Variants in ATG7 observed in about 807,000 individuals in gnomAD.
ATG7 encodes ubiquitin-like modifier-activating enzyme ATG7.
In ATG7, 70 loss-of-function variants were observed where a neutral mutation model predicts 82.4. The ratio of observed to expected loss-of-function variants is 0.85; its 90% CI spans 0.70 to 1.04. The LOEUF (loss-of-function observed/expected upper bound fraction) is 1.04. ATG7 is among the 50% of genes least tolerant of loss of function. The pLI, the probability that ATG7 is intolerant of heterozygous loss-of-function variation, is 0.00. For missense variants in ATG7, 792 were observed against 864.3 expected, an observed-to-expected ratio of 0.92 and a Z score of 1.05; for synonymous variants, 287 against 313.0, an observed-to-expected ratio of 0.92 and a Z score of 0.88.
At chr3:11,481,234 TG>T (rs2088931043) in intron 20 of ATG7, among the ~76,000 whole-genome samples, 1 of 152,318 alleles carries the variant, frequency 6.6e-6, no homozygotes, top group African/African-American at 2.4e-5. Context: ...AGTTCTGAGA[TG>T]GATGGTGGTG....
chr3:11,537,215 C>CAG (rs1442195101), intron 20 of ATG7, among the ~76,000 whole-genome samples: 2 of 152,186 alleles, frequency 1.3e-5, no homozygotes, highest in African/African-American at 2.4e-5. Context: ...TCCCATCTTT[C>CAG]AGAGCTCAGC....
chr3:11,299,076 A>G, intron 4 of ATG7: 1 of 606,518 alleles, frequency 1.6e-6, no homozygotes, highest in East Asian at 2.8e-5. Flanking sequence ...CAAATTATTA[A>G]TCCAAATAAT....
intron 13 of ATG7, among the ~76,000 whole-genome samples, chr3:11,343,271 C>T (rs982893661): frequency 6.6e-6 from 1 of 152,188 alleles, no homozygotes; most frequent in African/African-American, 2.4e-5. Context: ...AAATGTTACA[C>T]ATATGAGACA....
At chr3:11,573,304 A>AAAGG in the ATG7 span, among the ~76,000 whole-genome samples, 7 of 12,068 alleles carry the variant, frequency 5.8e-4, 1 homozygote, top group Non-Finnish European at 1.0e-3. Flanking sequence ...AGAAAGAAAG[A>AAAGG]AAGGAAGGAA....
intron 13 of ATG7, among the ~76,000 whole-genome samples, chr3:11,345,265 C>T (rs1007070618): frequency 4.6e-5 from 7 of 152,036 alleles, no homozygotes; most frequent in African/African-American, 7.2e-5. Flanking sequence ...AAAAATTAGC[C>T]GGGCATGGTG....
the ATG7 span, among the ~76,000 whole-genome samples, chr3:11,573,508 CAT>C: frequency 3.9e-5 from 6 of 152,056 alleles, no homozygotes; most frequent in African/African-American, 1.2e-4. Flanking sequence ...GACTTCAACA[CAT>C]GTGACCAGAA....
intron 18 of ATG7, among the ~76,000 whole-genome samples, chr3:11,366,929 T>C (rs1013291910): frequency 2.0e-5 from 3 of 151,762 alleles, no homozygotes; most frequent in Admixed American, 6.6e-5. Context: ...TCATTTGCCC[T>C]TTTCAAAGAC....
rs1373676606 is a variant in ATG7, at chr3:11,540,919, G to C, written c.2080-13892G>C. Among the ~76,000 whole-genome samples the C allele has an allele frequency of 4.0e-5, 5 of 126,210 alleles. 1 individual carries two copies. Among genetic ancestry groups the C allele is most frequent in the Admixed American group, 7.7e-5 (1 of 13,002 alleles). The allele number at this position is 126,210 out of a possible 152,430, so 82.8% of individuals were successfully genotyped here. A position where few individuals can be genotyped will look rare whatever the true frequency, so the allele number is the denominator to read the frequency against. On this transcript the variant is annotated intron_variant, in intron 20 of 20. Transcript: ENST00000693202. ...TTTTAGCTTTTTTTGGGGGGGGGAGGGGGGGAGTCTTGCTCTGTCGCCCAG... is the reference window on the plus strand; with the variant it reads ...TTTTAGCTTTTTTTGGGGGGGGGAGCGGGGGAGTCTTGCTCTGTCGCCCAG...
intron 20 of ATG7, among the ~76,000 whole-genome samples, chr3:11,489,103 A>G (rs982134896): frequency 5.3e-5 from 8 of 152,120 alleles, no homozygotes; most frequent in African/African-American, 1.2e-4. Context: ...TCTATTCAGA[A>G]ATTCAACTTC....
At chr3:11,315,758 G>A (rs751103890) in intron 9 of ATG7, among the ~76,000 whole-genome samples, 2 of 151,902 alleles carry the variant, frequency 1.3e-5, no homozygotes, top group African/African-American at 2.4e-5. Flanking sequence ...ATGGAGTCTC[G>A]CACTGTTGCC....
At chr3:11,364,581 T>G in intron 17 of ATG7, 78 bp from the exon 18 acceptor site, 3 of 1,489,428 alleles carry the variant, frequency 2.0e-6, no homozygotes, top group South Asian at 2.3e-5. Context: ...ATGAATCTTA[T>G]GTAGATTTCT....
chr3:11,484,725 G>T (rs912076541), intron 20 of ATG7, among the ~76,000 whole-genome samples: 2 of 152,116 alleles, frequency 1.3e-5, no homozygotes, highest in African/African-American at 4.8e-5. Context: ...CCCAGAGTGT[G>T]ATGTTCCCCT....
the ATG7 span, among the ~76,000 whole-genome samples, chr3:11,573,257 A>AAG: frequency 1.1e-4 from 1 of 9,174 alleles, no homozygotes; most frequent in African/African-American, 9.9e-4. Flanking sequence ...GAAAGAAAGA[A>AAG]AGAAAGAAAG....
intron 13 of ATG7, among the ~76,000 whole-genome samples, chr3:11,347,390 G>A (rs546259265): frequency 1.3e-5 from 2 of 152,108 alleles, no homozygotes; most frequent in African/African-American, 4.8e-5. Flanking sequence ...TTGAAGAAAT[G>A]GTACAAAATG....
intron 20 of ATG7, among the ~76,000 whole-genome samples, chr3:11,462,593 T>C (rs184426069): frequency 1.6e-4 from 25 of 152,152 alleles, no homozygotes; most frequent in African/African-American, 6.0e-4. Flanking sequence ...GGCCCTGGGA[T>C]GATGAAAGCA....
At chr3:11,455,193 A>C (rs972992779) in intron 20 of ATG7, among the ~76,000 whole-genome samples, 4 of 152,240 alleles carry the variant, frequency 2.6e-5, no homozygotes, top group Admixed American at 1.3e-4. Context: ...AAAGCAGTGT[A>C]GAATGCCTTG....
intron 19 of ATG7, among the ~76,000 whole-genome samples, chr3:11,395,080 T>C (rs1324840001): frequency 1.3e-5 from 2 of 152,182 alleles, no homozygotes; most frequent in Admixed American, 1.3e-4. Context: ...AAATACGGCT[T>C]TCCAGATTTA....
chr3:11,571,617 T>C, the ATG7 span, among the ~76,000 whole-genome samples: 1 of 152,054 alleles, frequency 6.6e-6, no homozygotes, highest in African/African-American at 2.4e-5. Flanking sequence ...CAGTGAGCCA[T>C]GACAGAGCCA....
rs1005812937 is a variant in ATG7 at position 11,379,939 on chromosome 3, T to G, written c.1876-33T>G. 7 of 1,598,370 alleles carry G rather than the reference T, an allele frequency of 4.4e-6. No individual in the cohort carries two copies. In the African/African-American group the frequency reaches 6.7e-5, roughly 15 times the overall value. On this transcript the variant is annotated intron_variant, in intron 18 of 20. Coordinates refer to ENST00000693202, the MANE Select transcript of ATG7 (RefSeq NM_001349232.2). ...TTCATAGATGTGGTCGTTGTGTGTT[T>G]GATGTGAATTGTTTTGTTTTGTTTG...
Sources: gnomAD v4.1 joint callset for allele counts (sites outside exome capture counted in the v4.1 genomes callset) on GRCh38, gnomAD v4.1.1 for gene constraint, MANE v1.5 for transcripts, NCBI Gene and HGNC (gene_info 2026-07-23, HGNC 2026-07-21) for gene names.